Variants in NAALADL2 observed in about 807,000 individuals in gnomAD.
The protein encoded by NAALADL2 is inactive N-acetylated-alpha-linked acidic dipeptidase-like protein 2.
In NAALADL2, 76 loss-of-function variants were observed where a neutral mutation model predicts 87.2. That is an observed-to-expected ratio of 0.87 (90% CI 0.72 to 1.05). The LOEUF (loss-of-function observed/expected upper bound fraction) is 1.05. Among genes scored for constraint, NAALADL2 ranks in the 50% least tolerant of loss-of-function variants. The pLI, the probability that NAALADL2 is intolerant of heterozygous loss-of-function variation, is 0.00. For missense variants in NAALADL2, 1,089 were observed against 945.8 expected (o/e 1.15, Z -1.99); for synonymous variants, 354 against 331.0 (o/e 1.07, Z -0.75).
At chr3:174,739,428 A>C (rs1476445879) in intron 3 of NAALADL2, among the ~76,000 whole-genome samples, 1 of 152,012 alleles carries the variant, frequency 6.6e-6, no homozygotes, top group Non-Finnish European at 1.5e-5. Context: ...ATAAAGAGAG[A>C]ATTATAAGGA....
intron 10 of NAALADL2, among the ~76,000 whole-genome samples, chr3:175,613,748 C>T (rs1372957285): frequency 1.3e-5 from 2 of 152,136 alleles, no homozygotes; most frequent in Admixed American, 1.3e-4. Flanking sequence ...GTTTCTTCAT[C>T]TATAAAATTG....
intron 6 of NAALADL2, among the ~76,000 whole-genome samples, chr3:175,457,607 A>G (rs955803317): frequency 3.1e-4 from 47 of 151,342 alleles, no homozygotes; most frequent in African/African-American, 1.0e-3. Context: ...GCAGCCTTGA[A>G]CTCTTTGGCT....
At chr3:174,748,456 T>A (rs1268255434) in intron 3 of NAALADL2, among the ~76,000 whole-genome samples, 1 of 152,118 alleles carries the variant, frequency 6.6e-6, no homozygotes, top group Non-Finnish European at 1.5e-5. Context: ...ATTTTTAGCC[T>A]TGACCCCTTG....
intron 3 of NAALADL2, among the ~76,000 whole-genome samples, chr3:174,801,465 T>G (rs1718822812): frequency 1.3e-5 from 2 of 152,212 alleles, no homozygotes; most frequent in Admixed American, 6.5e-5. Context: ...CCATTAAATT[T>G]CTTTCTTTTG....
At chr3:174,871,276 A>G (rs1727788846) in intron 1 of NAALADL2, among the ~76,000 whole-genome samples, 1 of 152,234 alleles carries the variant, frequency 6.6e-6, no homozygotes, top group Non-Finnish European at 1.5e-5. Context: ...TTATCCATAA[A>G]CATAATAAAA....
intron 3 of NAALADL2, among the ~76,000 whole-genome samples, chr3:174,804,161 G>A (rs1331051899): frequency 6.6e-6 from 1 of 152,032 alleles, no homozygotes; most frequent in Admixed American, 6.6e-5. Context: ...GTGGTTTGTA[G>A]TTCTCCTTGA....
intron 1 of NAALADL2, among the ~76,000 whole-genome samples, chr3:174,506,426 C>T (rs1256511831): frequency 1.3e-5 from 2 of 152,040 alleles, no homozygotes; most frequent in Admixed American, 1.3e-4. Flanking sequence ...AATAATCCAC[C>T]TGCCTCCGCC....
intron 2 of NAALADL2, among the ~76,000 whole-genome samples, chr3:174,564,675 A>G (rs187574297): frequency 4.6e-5 from 7 of 152,164 alleles, no homozygotes; most frequent in Non-Finnish European, 8.8e-5. Context: ...TGGGACTTTT[A>G]AATTATGCAC....
intron 5 of NAALADL2, among the ~76,000 whole-genome samples, chr3:175,339,672 C>CCAGAAAA (rs1247641381): frequency 6.6e-6 from 1 of 152,032 alleles, no homozygotes; most frequent in Non-Finnish European, 1.5e-5. Flanking sequence ...TGCCCTCTTC[C>CCAGAAAA]CAGAAAACTA....
At chr3:174,935,960 A>G (rs1411526884) in intron 1 of NAALADL2, among the ~76,000 whole-genome samples, 1 of 152,184 alleles carries the variant, frequency 6.6e-6, no homozygotes, top group African/African-American at 2.4e-5. Context: ...TTCTTTTCCC[A>G]TAATGATGTC....
chr3:175,516,194 A>G (rs777355787), intron 9 of NAALADL2, among the ~76,000 whole-genome samples: 1 of 152,214 alleles, frequency 6.6e-6, no homozygotes, highest in Non-Finnish European at 1.5e-5. Context: ...ACTAACATGC[A>G]TAAGAGTTGA....
chr3:175,165,078 C>T (rs1460251383), intron 2 of NAALADL2, among the ~76,000 whole-genome samples: 2 of 152,148 alleles, frequency 1.3e-5, no homozygotes, highest in Admixed American at 1.3e-4. Flanking sequence ...TATCTGTCCA[C>T]GTGGCACTTA....
At chr3:174,987,595 A>AAAAT (rs1560446120) in intron 1 of NAALADL2, among the ~76,000 whole-genome samples, 14 of 141,954 alleles carry the variant, frequency 9.9e-5, no homozygotes, top group African/African-American at 3.9e-4. Context: ...AAAAAAAAAA[A>AAAAT]AAACAATACT....
At chr3:175,323,542 A>T (rs1760227439) in intron 4 of NAALADL2, among the ~76,000 whole-genome samples, 1 of 152,110 alleles carries the variant, frequency 6.6e-6, no homozygotes, top group Non-Finnish European at 1.5e-5. Flanking sequence ...ATCCAAAAAA[A>T]GTAGAAAGTT....
At chr3:174,652,830 A>G (rs1724509659) in intron 2 of NAALADL2, among the ~76,000 whole-genome samples, 1 of 152,210 alleles carries the variant, frequency 6.6e-6, no homozygotes, top group Non-Finnish European at 1.5e-5. Context: ...CAGATTTCAC[A>G]AAGGGCACAT....
At chr3:174,736,217 CCTT>C (rs1258484756) in intron 2 of NAALADL2, among the ~76,000 whole-genome samples, 1 of 152,220 alleles carries the variant, frequency 6.6e-6, no homozygotes, top group African/African-American at 2.4e-5. Flanking sequence ...TTTCTTTTCT[CCTT>C]CTTGTTGCCT....
At chr3:175,272,742 T>C (rs1439551868) in intron 4 of NAALADL2, among the ~76,000 whole-genome samples, 1 of 152,182 alleles carries the variant, frequency 6.6e-6, no homozygotes, top group East Asian at 1.9e-4. Context: ...TTCCCATTTC[T>C]CATATCAAAT....
intron 1 of NAALADL2, among the ~76,000 whole-genome samples, chr3:174,460,239 C>T (rs749153391): frequency 6.9e-6 from 1 of 144,200 alleles, no homozygotes; most frequent in Non-Finnish European, 1.5e-5. Flanking sequence ...GGAAAGAATT[C>T]AAATATGAGT....
intron 9 of NAALADL2, among the ~76,000 whole-genome samples, chr3:175,522,023 A>T (rs1732724017): frequency 6.6e-6 from 1 of 152,166 alleles, no homozygotes; most frequent in Non-Finnish European, 1.5e-5. Context: ...CATTATTTAA[A>T]AATGTCTTTC....
Sources: gnomAD v4.1 joint callset for allele counts (sites outside exome capture counted in the v4.1 genomes callset) on GRCh38, gnomAD v4.1.1 for gene constraint, MANE v1.5 for transcripts, NCBI Gene and HGNC (gene_info 2026-07-23, HGNC 2026-07-21) for gene names.